Variants in UXS1 observed in about 807,000 individuals in gnomAD.
UXS1 encodes UDP-glucuronate decarboxylase 1.
In UXS1, 33 loss-of-function variants were observed where a neutral mutation model predicts 62.6. The ratio of observed to expected loss-of-function variants is 0.53; its 90% CI spans 0.40 to 0.70. The LOEUF (loss-of-function observed/expected upper bound fraction) is 0.70, where lower values mean the gene tolerates loss of function less well. Ranked by LOEUF, UXS1 falls within the 30% of genes least tolerant of loss-of-function variation. UXS1 has a pLI of 0.00. For synonymous variants in UXS1, 213 were observed against 206.8 expected (o/e 1.03, Z -0.26); for missense variants, 434 against 556.3 (o/e 0.78, Z 2.21).
At chr2:106,108,779 T>G (rs758257555) in intron 10 of UXS1, among the ~76,000 whole-genome samples, 12 of 152,156 alleles carry the variant, frequency 7.9e-5, no homozygotes, top group Middle Eastern at 3.2e-3. Flanking sequence ...CTTAGCAATG[T>G]CCCCAGCCGC....
intron 6 of UXS1, among the ~76,000 whole-genome samples, chr2:106,136,408 C>T (rs1680641427): frequency 6.8e-6 from 1 of 146,646 alleles, no homozygotes; most frequent in South Asian, 2.2e-4. Flanking sequence ...CATCCCATTA[C>T]TGGGTATATA....
intron 5 of UXS1, among the ~76,000 whole-genome samples, chr2:106,152,545 A>C (rs1034282539): frequency 1.0e-4 from 15 of 147,786 alleles, no homozygotes; most frequent in African/African-American, 3.7e-4. Flanking sequence ...AAAGAGAGAG[A>C]GAAAGGGAGA....
At chr2:106,121,556 G>C (rs994008862) in intron 9 of UXS1, among the ~76,000 whole-genome samples, 2 of 152,202 alleles carry the variant, frequency 1.3e-5, no homozygotes, top group African/African-American at 4.8e-5. Context: ...CATGCACACA[G>C]AGTGGTCCTG....
chr2:106,110,900 T>A (rs1558685168), intron 10 of UXS1, among the ~76,000 whole-genome samples: 3 of 152,102 alleles, frequency 2.0e-5, no homozygotes, highest in Admixed American at 6.5e-5. Flanking sequence ...CAGAGAAGCA[T>A]CAAGAAGGTT....
At chr2:106,122,708 A>T (rs2104922436) in intron 9 of UXS1, among the ~76,000 whole-genome samples, 1 of 152,364 alleles carries the variant, frequency 6.6e-6, no homozygotes, top group Middle Eastern at 3.4e-3. Context: ...AGCAACTGGC[A>T]ATGAAGAAGC....
chr2:106,138,851 T>G (rs566942661), intron 6 of UXS1: 2 of 985,466 alleles, frequency 2.0e-6, no homozygotes, highest in East Asian at 2.3e-4. Flanking sequence ...GTTCTTCCTG[T>G]AACATTAACA....
In UXS1 at chr2:106,138,940, G is replaced by T. The variant is rs1011911398; in HGVS notation, c.472+6250C>A. On this transcript the variant is annotated intron_variant, in intron 6 of 14. Coordinates refer to ENST00000283148, the MANE Select transcript of UXS1 (RefSeq NM_001253875.2). Reference sequence around the variant, plus strand: ...ATAATCTGGTGAGAAATTCTGAAGGGGAGAGAAGAGGGGAAATTCAGAGCA... The same window carrying T: ...ATAATCTGGTGAGAAATTCTGAAGGTGAGAGAAGAGGGGAAATTCAGAGCA... 1.3e-5 allele frequency: 12 copies of T among 939,086 alleles called. No homozygotes were observed. The African/African-American group carries it at 2.1e-4, about 17-fold the overall frequency. The allele number at this position is 939,086 out of a possible 1,614,324, so 58.2% of individuals were successfully genotyped here.
chr2:106,116,985 A>G (rs1479482985), intron 9 of UXS1, among the ~76,000 whole-genome samples: 1 of 152,158 alleles, frequency 6.6e-6, no homozygotes. Context: ...ATATCATTTC[A>G]TGATAATACT....
intron 7 of UXS1, among the ~76,000 whole-genome samples, chr2:106,127,307 G>A (rs1680039848): frequency 6.6e-6 from 1 of 152,182 alleles, no homozygotes; most frequent in Non-Finnish European, 1.5e-5. Context: ...AGTTTTTTAA[G>A]AAAGCGTCAA....
chr2:106,169,553 G>A (rs1221138694), intron 1 of UXS1, among the ~76,000 whole-genome samples: 1 of 152,132 alleles, frequency 6.6e-6, no homozygotes, highest in Non-Finnish European at 1.5e-5. Flanking sequence ...CAGGGGTGGT[G>A]GCCTGTGCCT....
chr2:106,094,240 A>AG, intron 14 of UXS1, 83 bp from the exon 15 acceptor site: 1 of 1,598,666 alleles, frequency 6.3e-7, no homozygotes, highest in Non-Finnish European at 8.5e-7. Flanking sequence ...CCTTGCAGGA[A>AG]GGAAGTGCCA....
At chr2:106,107,482 C>T (rs1371292661) in intron 10 of UXS1, among the ~76,000 whole-genome samples, 4 of 152,238 alleles carry the variant, frequency 2.6e-5, no homozygotes, top group Non-Finnish European at 5.9e-5. Flanking sequence ...TGGAGGAACA[C>T]AATCCAGGGC....
intron 1 of UXS1, among the ~76,000 whole-genome samples, chr2:106,172,943 G>A (rs1683656414): frequency 1.3e-5 from 2 of 152,134 alleles, no homozygotes; most frequent in South Asian, 4.2e-4. Flanking sequence ...GTTCATCCAA[G>A]GTCTCAGCTC....
At chr2:106,169,017 A>G (rs1454342939) in intron 1 of UXS1, among the ~76,000 whole-genome samples, 1 of 152,190 alleles carries the variant, frequency 6.6e-6, no homozygotes, top group East Asian at 1.9e-4. Context: ...AAAGGAGGGA[A>G]GAGATTTTAA....
At chr2:106,188,327 C>G (rs1054445419) in intron 1 of UXS1, among the ~76,000 whole-genome samples, 1 of 152,086 alleles carries the variant, frequency 6.6e-6, no homozygotes, top group East Asian at 1.9e-4. Context: ...GGAGAGGGCA[C>G]GGACGTGGGC....
intron 6 of UXS1, among the ~76,000 whole-genome samples, chr2:106,140,053 T>TA (rs1680976121): frequency 6.6e-6 from 1 of 152,170 alleles, no homozygotes; most frequent in African/African-American, 2.4e-5. Flanking sequence ...ATGAAGAAGA[T>TA]ACAGAACTTC....
chr2:106,112,213 G>T (rs1464179071), intron 10 of UXS1, among the ~76,000 whole-genome samples: 1 of 152,216 alleles, frequency 6.6e-6, no homozygotes, highest in Non-Finnish European at 1.5e-5. Flanking sequence ...GTGGAGGATG[G>T]TACCGAGGGC....
At chr2:106,170,461 T>C (rs1683483605) in intron 1 of UXS1, among the ~76,000 whole-genome samples, 1 of 152,264 alleles carries the variant, frequency 6.6e-6, no homozygotes, top group African/African-American at 2.4e-5. Flanking sequence ...GTCCAAGCAC[T>C]AAAATTCGTT....
At position 106,149,479 on chromosome 2, in the gene UXS1, T is replaced by G. The variant is rs374616180; in HGVS notation, c.292-4109A>C. Among the ~76,000 whole-genome samples the G allele has an allele frequency of 3.3e-5, 5 of 152,314 alleles. No individual in the cohort carries two copies. In the South Asian group the frequency reaches 1.0e-3, roughly 32 times the overall value. On this transcript the variant is annotated intron_variant, in intron 5 of 14. Coordinates refer to ENST00000283148, the MANE Select transcript of UXS1 (RefSeq NM_001253875.2). Reference sequence around the variant, plus strand: ...GAGTGAGTGTGTTATCGTGGAAGTGTGTTCCACATAGAAGCACGAGTTCAG... The same window carrying G: ...GAGTGAGTGTGTTATCGTGGAAGTGGGTTCCACATAGAAGCACGAGTTCAG...
Sources: gnomAD v4.1 joint callset for allele counts (sites outside exome capture counted in the v4.1 genomes callset) on GRCh38, gnomAD v4.1.1 for gene constraint, MANE v1.5 for transcripts, NCBI Gene and HGNC (gene_info 2026-07-23, HGNC 2026-07-21) for gene names.